Variants in RSRC1 observed in about 807,000 individuals in gnomAD.
RSRC1 encodes the protein arginine and serine rich coiled-coil 1.
RSRC1 carries 39 observed loss-of-function variants against 49.1 expected under a neutral mutation model. The observed-to-expected ratio is 0.79, with a 90% confidence interval of 0.61 to 1.04. The LOEUF is 1.04. Among genes scored for constraint, RSRC1 ranks in the 50% least tolerant of loss-of-function variants. RSRC1 has a pLI of 0.00. For synonymous variants in RSRC1, 143 were observed against 130.8 expected, an observed-to-expected ratio of 1.09 and a Z score of -0.63; for missense variants, 388 against 402.4, an observed-to-expected ratio of 0.96 and a Z score of 0.31.
intron 4 of RSRC1, among the ~76,000 whole-genome samples, chr3:158,291,652 T>C (rs1248948627): frequency 1.3e-5 from 2 of 152,206 alleles, no homozygotes; most frequent in Non-Finnish European, 2.9e-5. Flanking sequence ...CAAATGTAGA[T>C]GCAAAATATT....
chr3:158,176,008 C>G (rs1162854726), intron 3 of RSRC1, among the ~76,000 whole-genome samples: 1 of 152,118 alleles, frequency 6.6e-6, no homozygotes, highest in African/African-American at 2.4e-5. Context: ...ACACCGATAA[C>G]AGACAAACAG....
chr3:158,203,381 A>C, intron 4 of RSRC1, 136 bp downstream of exon 4: 1 of 824,540 alleles, frequency 1.2e-6, no homozygotes, highest in Non-Finnish European at 1.8e-6. Flanking sequence ...AAAAGAGAGA[A>C]TACAGTAGAG....
At chr3:158,238,399 G>A (rs529561659) in intron 4 of RSRC1, among the ~76,000 whole-genome samples, 7 of 152,164 alleles carry the variant, frequency 4.6e-5, no homozygotes, top group Admixed American at 1.3e-4. Context: ...AAAAGAACCC[G>A]CATCTCCAAG....
chr3:158,542,481 G>C (rs1462713938), intron 8 of RSRC1, among the ~76,000 whole-genome samples: 1 of 152,204 alleles, frequency 6.6e-6, no homozygotes, highest in Non-Finnish European at 1.5e-5. Flanking sequence ...GTTGCAGTGA[G>C]CCAAGATTGT....
intron 7 of RSRC1, among the ~76,000 whole-genome samples, chr3:158,525,404 A>C (rs1178002860): frequency 6.6e-6 from 1 of 151,966 alleles, no homozygotes; most frequent in Non-Finnish European, 1.5e-5. Flanking sequence ...GATAACGCCA[A>C]CTGTTGATGA....
chr3:158,488,385 A>C (rs1738919657), intron 7 of RSRC1, among the ~76,000 whole-genome samples: 1 of 152,202 alleles, frequency 6.6e-6, no homozygotes, highest in African/African-American at 2.4e-5. Flanking sequence ...TTGATGAAAT[A>C]TGATATTAAT....
chr3:158,203,339 T>C, intron 4 of RSRC1, 94 bp downstream of exon 4: 1 of 1,294,298 alleles, frequency 7.7e-7, no homozygotes, highest in Non-Finnish European at 1.1e-6. Context: ...TCTTGTGGCT[T>C]ATTTGCTATA....
intron 6 of RSRC1, among the ~76,000 whole-genome samples, chr3:158,403,291 C>A (rs1167513615): frequency 6.6e-6 from 1 of 151,774 alleles, no homozygotes; most frequent in Non-Finnish European, 1.5e-5. Context: ...AAATTACTTT[C>A]TTTTAATGGA....
At chr3:158,225,893 A>G (rs1345582063) in intron 4 of RSRC1, among the ~76,000 whole-genome samples, 1 of 152,020 alleles carries the variant, frequency 6.6e-6, no homozygotes, top group Non-Finnish European at 1.5e-5. Flanking sequence ...CATTGAGATA[A>G]CAGATATTAA....
chr3:158,170,849 A>G (rs950199327), intron 3 of RSRC1, among the ~76,000 whole-genome samples: 1 of 152,008 alleles, frequency 6.6e-6, no homozygotes, highest in Admixed American at 6.6e-5. Flanking sequence ...AGCCCCAAAT[A>G]TGGAATGTAG....
chr3:158,180,720 G>A (rs1719549052), intron 3 of RSRC1, among the ~76,000 whole-genome samples: 1 of 151,188 alleles, frequency 6.6e-6, no homozygotes, highest in Non-Finnish European at 1.5e-5. Context: ...CGCCTGCCTC[G>A]GCCTCCCAAA....
In RSRC1 at chr3:158,475,756, G is replaced by A. The variant is rs903786272; in HGVS notation, c.652+14753G>A. 3.0e-4 allele frequency among the ~76,000 whole-genome samples: 46 copies of A among 151,954 alleles called. 1 individual carries two copies. The highest frequency in any genetic ancestry group is 6.2e-4 in the Non-Finnish European group (42 of 67,998). On this transcript the variant is annotated intron_variant, in intron 7 of 9. Coordinates refer to ENST00000611884, the MANE Select transcript of RSRC1 (RefSeq NM_001271838.2). ...TCTCTCTCTCTCTCTCCCTGGCCTG[G>A]AGGCTCCCTATTCTCTGAAACACAA...
At chr3:158,155,041 A>G (rs1208323880) in intron 3 of RSRC1, among the ~76,000 whole-genome samples, 3 of 151,848 alleles carry the variant, frequency 2.0e-5, no homozygotes, top group Non-Finnish European at 4.4e-5. Flanking sequence ...TATTGCCACC[A>G]CACCTGCAAT....
chr3:158,141,978 G>T (rs1433036834), intron 3 of RSRC1, among the ~76,000 whole-genome samples: 3 of 152,102 alleles, frequency 2.0e-5, no homozygotes, highest in South Asian at 4.1e-4. Flanking sequence ...CACGCCTGTA[G>T]TCCCAGCTAC....
At position 158,449,205 on chromosome 3, in the gene RSRC1, T is replaced by C. The variant is rs143775328; in HGVS notation, c.584-11730T>C. ...CTAGACTTGAGAAAAATTATTCTTA[T>C]AGTTTCAGTGTCTCTAAACATCCAA... is the stretch of plus-strand genomic sequence containing the variant. On this transcript the variant is annotated intron_variant, in intron 6 of 9. Transcript: ENST00000611884. Among the ~76,000 whole-genome samples the C allele has an allele frequency of 2.2e-4, 34 of 152,006 alleles. No homozygotes were observed. The East Asian group carries it at 2.9e-3, about 13-fold the overall frequency.
intron 4 of RSRC1, among the ~76,000 whole-genome samples, chr3:158,253,817 C>T (rs746359290): frequency 1.3e-5 from 2 of 151,806 alleles, no homozygotes; most frequent in Non-Finnish European, 2.9e-5. Context: ...GCAGAATATG[C>T]AAGTTTGATA....
chr3:158,399,914 T>A (rs1733815508), intron 6 of RSRC1, among the ~76,000 whole-genome samples: 1 of 152,224 alleles, frequency 6.6e-6, no homozygotes, highest in East Asian at 1.9e-4. Flanking sequence ...TTTGAAATTT[T>A]AAAAAAATTA....
chr3:158,326,068 T>C (rs1170163793), intron 5 of RSRC1, among the ~76,000 whole-genome samples: 2 of 152,158 alleles, frequency 1.3e-5, no homozygotes, highest in African/African-American at 4.8e-5. Context: ...GTGATTTTTG[T>C]ACATTGATTT....
chr3:158,217,279 T>C (rs1721992604), intron 4 of RSRC1, among the ~76,000 whole-genome samples: 1 of 151,710 alleles, frequency 6.6e-6, no homozygotes, highest in Non-Finnish European at 1.5e-5. Flanking sequence ...GTAGTAGATG[T>C]AGTAGAAACA....
Sources: gnomAD v4.1 joint callset for allele counts (sites outside exome capture counted in the v4.1 genomes callset) on GRCh38, gnomAD v4.1.1 for gene constraint, MANE v1.5 for transcripts, NCBI Gene and HGNC (gene_info 2026-07-23, HGNC 2026-07-21) for gene names.